Variants in MAGI1 observed in about 807,000 individuals in gnomAD.
MAGI1 encodes membrane associated guanylate kinase, WW and PDZ domain containing 1, also known as membrane-associated guanylate kinase, WW and PDZ domain-containing protein 1.
In MAGI1, 58 loss-of-function variants were observed where a neutral mutation model predicts 139.9. That is an observed-to-expected ratio of 0.41 (90% CI 0.34 to 0.52). The LOEUF (loss-of-function observed/expected upper bound fraction) is 0.52, where lower values mean the gene tolerates loss of function less well. Ranked by LOEUF, MAGI1 falls within the 20% of genes least tolerant of loss-of-function variation. The pLI is 0.12. For synonymous variants in MAGI1, 812 were observed against 737.9 expected (o/e 1.10, Z -1.63); for missense variants, 1,874 against 1,901.6 (o/e 0.99, Z 0.27).
At chr3:65,540,489 G>C (rs568990312) in intron 2 of MAGI1, among the ~76,000 whole-genome samples, 4 of 152,202 alleles carry the variant, frequency 2.6e-5, no homozygotes, top group Admixed American at 6.5e-5. Flanking sequence ...CTGCAGGATG[G>C]TAGAATGAAT....
rs570831360 is a variant in MAGI1 at position 65,867,629 on chromosome 3, G to A, written c.313+170367C>T. On this transcript the variant is annotated intron_variant, in intron 1 of 22. Coordinates refer to ENST00000402939, the MANE Select transcript of MAGI1 (RefSeq NM_001033057.2). ...CCACGCCTAAAGTCCCAGTTACTGTGGGGGCGAGAGGAGGTGGTGGTGCTG... is the reference window on the plus strand; with the variant it reads ...CCACGCCTAAAGTCCCAGTTACTGTAGGGGCGAGAGGAGGTGGTGGTGCTG... 7.9e-5 allele frequency among the ~76,000 whole-genome samples: 12 copies of A among 152,270 alleles called. No homozygotes were observed. In the South Asian group the frequency reaches 2.3e-3, roughly 29 times the overall value.
chr3:65,745,278 C>A (rs2035609012), intron 1 of MAGI1, among the ~76,000 whole-genome samples: 1 of 151,994 alleles, frequency 6.6e-6, no homozygotes, highest in African/African-American at 2.4e-5. Flanking sequence ...ATGAGACAGG[C>A]AAAGGGGCAC....
intron 2 of MAGI1, among the ~76,000 whole-genome samples, chr3:65,577,323 A>G (rs2081219518): frequency 6.6e-6 from 1 of 152,240 alleles, no homozygotes; most frequent in African/African-American, 2.4e-5. Context: ...CAAAGAATCC[A>G]TTATGAATAA....
intron 2 of MAGI1, among the ~76,000 whole-genome samples, chr3:65,501,877 C>T (rs2077095546): frequency 6.6e-6 from 1 of 152,216 alleles, no homozygotes; most frequent in African/African-American, 2.4e-5. Flanking sequence ...AGCAAAACTA[C>T]AGATACACAC....
At chr3:66,017,707 G>A (rs908147539) in intron 1 of MAGI1, among the ~76,000 whole-genome samples, 2 of 152,186 alleles carry the variant, frequency 1.3e-5, no homozygotes, top group African/African-American at 4.8e-5. Flanking sequence ...AGCCTGAGTA[G>A]AGAGGCACTA....
chr3:65,503,551 A>G (rs2077165038), intron 2 of MAGI1, among the ~76,000 whole-genome samples: 1 of 152,242 alleles, frequency 6.6e-6, no homozygotes, highest in African/African-American at 2.4e-5. Flanking sequence ...AAGCCATTCA[A>G]CAGCAGGTGT....
intron 1 of MAGI1, among the ~76,000 whole-genome samples, chr3:65,780,636 T>C (rs1252194453): frequency 6.6e-6 from 1 of 152,084 alleles, no homozygotes; most frequent in Admixed American, 6.6e-5. Flanking sequence ...TGAAAAAAAA[T>C]TTTAACATTA....
intron 1 of MAGI1, among the ~76,000 whole-genome samples, chr3:65,727,495 G>A (rs1039010361): frequency 6.6e-6 from 1 of 152,190 alleles, no homozygotes; most frequent in Non-Finnish European, 1.5e-5. Flanking sequence ...CTCCTGAGTA[G>A]TTGGGACTAC....
chr3:65,743,816 T>C (rs543377249), intron 1 of MAGI1, among the ~76,000 whole-genome samples: 1 of 152,216 alleles, frequency 6.6e-6, no homozygotes, highest in East Asian at 1.9e-4. Context: ...ACATATTCAT[T>C]TTTTGTGTTG....
chr3:65,500,280 G>C (rs2077031904), intron 2 of MAGI1, among the ~76,000 whole-genome samples: 1 of 152,132 alleles, frequency 6.6e-6, no homozygotes, highest in East Asian at 1.9e-4. Flanking sequence ...TCCAAGATTT[G>C]TACTAGAATA....
In MAGI1 at chr3:65,745,889, C is replaced by G. The variant is rs1162938964; in HGVS notation, c.314-123801G>C. 2.6e-5 allele frequency among the ~76,000 whole-genome samples: 4 copies of G among 152,064 alleles called. No individual in the cohort carries two copies. In the East Asian group the frequency reaches 7.7e-4, roughly 29 times the overall value. On this transcript the variant is annotated intron_variant, in intron 1 of 22. Coordinates refer to ENST00000402939, the MANE Select transcript of MAGI1 (RefSeq NM_001033057.2). ...GATTACACGTGTGCACTATCATGCC[C>G]AGCTAATTTTTTGTATTTTTTATAG...
intron 1 of MAGI1, among the ~76,000 whole-genome samples, chr3:65,645,846 A>G (rs2085229463): frequency 1.3e-5 from 2 of 152,074 alleles, no homozygotes; most frequent in South Asian, 4.1e-4. Context: ...CTATTTTTAC[A>G]GCCCTTTTAG....
intron 1 of MAGI1, among the ~76,000 whole-genome samples, chr3:65,830,834 T>A (rs778516152): frequency 2.6e-5 from 4 of 152,146 alleles, no homozygotes; most frequent in Non-Finnish European, 5.9e-5. Flanking sequence ...GTCCCACTTG[T>A]GACATCTGCT....
intron 1 of MAGI1, among the ~76,000 whole-genome samples, chr3:65,784,055 G>A (rs893926234): frequency 6.6e-6 from 1 of 151,926 alleles, no homozygotes; most frequent in Non-Finnish European, 1.5e-5. Flanking sequence ...CCTGGGAGGT[G>A]GAGGTTGCAG....
intron 1 of MAGI1, among the ~76,000 whole-genome samples, chr3:65,784,703 TCAACAA>T (rs148824542): frequency 0.26 from 38,410 of 149,260 alleles, 5,046 homozygotes; most frequent in South Asian, 0.41. Flanking sequence ...AGACTCCGTC[TCAACAA>T]CAACAACAAC....
At chr3:65,860,825 C>T (rs757844776) in intron 1 of MAGI1, among the ~76,000 whole-genome samples, 29 of 152,178 alleles carry the variant, frequency 1.9e-4, no homozygotes, top group Non-Finnish European at 4.0e-4. Flanking sequence ...ACGACAAATA[C>T]ATTTGTCAAG....
chr3:65,913,798 C>T (rs564378112), intron 1 of MAGI1, among the ~76,000 whole-genome samples: 7 of 152,174 alleles, frequency 4.6e-5, no homozygotes, highest in Non-Finnish European at 1.0e-4. Context: ...GAAATTCCTT[C>T]GGAACATATC....
chr3:66,011,947 A>G (rs1006507724), intron 1 of MAGI1, among the ~76,000 whole-genome samples: 4 of 152,106 alleles, frequency 2.6e-5, no homozygotes, highest in Non-Finnish European at 5.9e-5. Flanking sequence ...AATTCTAGCG[A>G]AAAAAATGAG....
At chr3:65,442,482 C>CTCAT (rs59209688) in intron 8 of MAGI1, among the ~76,000 whole-genome samples, 101,189 of 150,982 alleles carry the variant, frequency 0.67, 34,398 homozygotes, top group East Asian at 0.95. Flanking sequence ...CCTGGCTTTT[C>CTCAT]TCATTCATTC....
Sources: gnomAD v4.1 joint callset for allele counts (sites outside exome capture counted in the v4.1 genomes callset) on GRCh38, gnomAD v4.1.1 for gene constraint, MANE v1.5 for transcripts, NCBI Gene and HGNC (gene_info 2026-07-23, HGNC 2026-07-21) for gene names.